The following SMYD3 variants were observed in gnomAD, a reference collection of about 807,000 sequenced individuals.
SMYD3 encodes histone-lysine N-methyltransferase SMYD3.
SMYD3 carries 36 observed loss-of-function variants against 57.7 expected under a neutral mutation model. That is an observed-to-expected ratio of 0.62 (90% confidence interval 0.48 to 0.82). SMYD3 has a LOEUF of 0.82. Ranked by LOEUF, SMYD3 falls within the 40% of genes least tolerant of loss-of-function variation. SMYD3 has a pLI of 0.00. For synonymous variants in SMYD3, 211 were observed against 195.0 expected (o/e 1.08, Z -0.68); for missense variants, 515 against 538.8 (o/e 0.96, Z 0.44).
At chr1:245,768,030 A>AG (rs2046188392) in intron 10 of SMYD3, among the ~76,000 whole-genome samples, 2 of 151,364 alleles carry the variant, frequency 1.3e-5, no homozygotes, top group African/African-American at 4.8e-5. Flanking sequence ...TGGGGATCCA[A>AG]GGGGGTGCAG....
At chr1:245,968,392 C>A (rs1185906513) in intron 5 of SMYD3, among the ~76,000 whole-genome samples, 1 of 152,154 alleles carries the variant, frequency 6.6e-6, no homozygotes, top group African/African-American at 2.4e-5. Context: ...ATCTGAAATG[C>A]CCTTTACCAG....
chr1:246,341,296 T>C (rs1056997589), intron 2 of SMYD3, among the ~76,000 whole-genome samples: 5 of 152,216 alleles, frequency 3.3e-5, no homozygotes, highest in African/African-American at 1.2e-4. Context: ...ACTCAAAGCA[T>C]GATTTAAATG....
chr1:246,046,714 T>C (rs2059972647), intron 5 of SMYD3, among the ~76,000 whole-genome samples: 1 of 149,586 alleles, frequency 6.7e-6, no homozygotes, highest in African/African-American at 2.4e-5. Flanking sequence ...TATACATATA[T>C]GTAGCAGGTG....
intron 5 of SMYD3, among the ~76,000 whole-genome samples, chr1:246,245,539 C>A (rs1001482762): frequency 1.3e-5 from 2 of 152,036 alleles, no homozygotes; most frequent in African/African-American, 4.8e-5. Flanking sequence ...ACATCTCACA[C>A]TTAGGAAAAT....
intron 5 of SMYD3, among the ~76,000 whole-genome samples, chr1:246,074,964 T>C (rs1285810072): frequency 6.7e-6 from 1 of 149,828 alleles, no homozygotes; most frequent in Non-Finnish European, 1.5e-5. Flanking sequence ...CAGAGGAATA[T>C]AAGAGAATCC....
At chr1:245,980,955 G>C (rs1572839443) in intron 5 of SMYD3, among the ~76,000 whole-genome samples, 1 of 152,180 alleles carries the variant, frequency 6.6e-6, no homozygotes, top group African/African-American at 2.4e-5. Flanking sequence ...TGAGCTACAA[G>C]GCAGAGTAAA....
intron 1 of SMYD3, among the ~76,000 whole-genome samples, chr1:246,462,576 C>T (rs984474538): frequency 1.9e-4 from 29 of 152,136 alleles, no homozygotes; most frequent in Admixed American, 1.5e-3. Flanking sequence ...CCCTTGACCC[C>T]GAGGCTCGGA....
chr1:245,963,960 A>C (rs937821969), intron 5 of SMYD3, among the ~76,000 whole-genome samples: 2 of 152,234 alleles, frequency 1.3e-5, no homozygotes, highest in African/African-American at 2.4e-5. Context: ...TCCACTTTGC[A>C]TTTGCTATAA....
chr1:246,386,966 G>A (rs1373038684), intron 1 of SMYD3, among the ~76,000 whole-genome samples: 2 of 151,942 alleles, frequency 1.3e-5, no homozygotes, highest in Non-Finnish European at 2.9e-5. Context: ...TCGAGGTATA[G>A]GCCAGTACAT....
At chr1:245,784,843 A>ATTTTTTTTTTTTTTTTTTTTTTTTTT (rs74163079) in intron 10 of SMYD3, among the ~76,000 whole-genome samples, 1 of 115,736 alleles carries the variant, frequency 8.6e-6, no homozygotes. Context: ...TTTAGACTGA[A>ATTTTTTTTTTTTTTTTTTTTTTTTTT]TTTTTTTTTT....
At chr1:246,184,583 C>G (rs2062602911) in intron 5 of SMYD3, among the ~76,000 whole-genome samples, 1 of 152,174 alleles carries the variant, frequency 6.6e-6, no homozygotes, top group Non-Finnish European at 1.5e-5. Context: ...CCCTAACCCT[C>G]TGATTCTATT....
chr1:246,258,042 C>A (rs1244667457), intron 5 of SMYD3, among the ~76,000 whole-genome samples: 1 of 151,822 alleles, frequency 6.6e-6, no homozygotes, highest in African/African-American at 2.4e-5. Flanking sequence ...TCAGGTATTT[C>A]TTTTCTTTTT....
chr1:245,786,465 G>C (rs945225137), intron 10 of SMYD3, among the ~76,000 whole-genome samples: 1 of 152,076 alleles, frequency 6.6e-6, no homozygotes, highest in Non-Finnish European at 1.5e-5. Flanking sequence ...TCTTCACGGC[G>C]TGAAAGGGCT....
At chr1:246,093,254 T>A (rs1053053631) in intron 5 of SMYD3, among the ~76,000 whole-genome samples, 2 of 152,134 alleles carry the variant, frequency 1.3e-5, no homozygotes, top group Non-Finnish European at 2.9e-5. Context: ...GACCCAGCAA[T>A]CTCACAGGTG....
intron 5 of SMYD3, chr1:246,109,681 C>T (rs2061196806): frequency 6.6e-6 from 1 of 152,212 alleles, no homozygotes; most frequent in Admixed American, 6.5e-5. Flanking sequence ...GGAATAGAAG[C>T]CTCTGACCTA....
At chr1:246,215,239 G>A (rs1187155877) in intron 5 of SMYD3, among the ~76,000 whole-genome samples, 1 of 152,090 alleles carries the variant, frequency 6.6e-6, no homozygotes, top group East Asian at 1.9e-4. Context: ...ATCTTTGTTT[G>A]CATGGTCTAT....
intron 8 of SMYD3, among the ~76,000 whole-genome samples, chr1:245,904,386 T>C (rs745938171): frequency 3.9e-5 from 6 of 152,236 alleles, no homozygotes; most frequent in Non-Finnish European, 8.8e-5. Flanking sequence ...CTTTGTAAAT[T>C]ACCCAGTCTC....
intron 1 of SMYD3, among the ~76,000 whole-genome samples, chr1:246,498,870 C>T (rs953863132): frequency 4.6e-5 from 7 of 152,018 alleles, no homozygotes; most frequent in Admixed American, 4.6e-4. Context: ...CTCACTGCAG[C>T]CTTGACCTCC....
intron 10 of SMYD3, among the ~76,000 whole-genome samples, chr1:245,794,830 C>G (rs2047452129): frequency 1.3e-5 from 2 of 152,042 alleles, no homozygotes; most frequent in Admixed American, 1.3e-4. Flanking sequence ...CTGATTGGTT[C>G]TGTTCCTATT....
Sources: gnomAD v4.1 joint callset for allele counts (sites outside exome capture counted in the v4.1 genomes callset) on GRCh38, gnomAD v4.1.1 for gene constraint, MANE v1.5 for transcripts, NCBI Gene and HGNC (gene_info 2026-07-23, HGNC 2026-07-21) for gene names.